GATAD2B: variants seen among roughly 807,000 people sequenced by gnomAD.
The protein encoded by GATAD2B is GATA zinc finger domain containing 2B, also known as transcriptional repressor p66-beta.
A neutral mutation model predicts 64.3 loss-of-function variants in GATAD2B; 8 were observed. The observed-to-expected ratio is 0.12, with a 90% CI of 0.07 to 0.22. GATAD2B has a LOEUF of 0.22. Ranked by LOEUF, GATAD2B falls within the 10% of genes least tolerant of loss-of-function variation. The pLI is 1.00. For synonymous variants in GATAD2B, 281 were observed against 271.3 expected, an observed-to-expected ratio of 1.04 and a Z score of -0.35; for missense variants, 453 against 752.0, an observed-to-expected ratio of 0.60 and a Z score of 4.65.
rs1557781527 is a variant in GATAD2B, at chr1:153,816,755, G to C, written c.901-167C>G. Among the ~76,000 whole-genome samples the C allele has an allele frequency of 6.6e-6, 1 of 152,186 alleles. No homozygotes were observed. Among genetic ancestry groups the C allele is most frequent in the Non-Finnish European group, 1.5e-5 (1 of 68,028 alleles). On this transcript the variant is annotated intron_variant, in intron 6 of 10. Transcript: ENST00000368655. This position sits in a 1 kb window ranked among gnomAD's most constrained non-coding sequence, Gnocchi z 4.9. ...AAAAAGAACTCTGACACATAGGAAA[G>C]GAGAATGATGATGACCATGAGCTAA...
intron 1 of GATAD2B, among the ~76,000 whole-genome samples, chr1:153,898,333 AAAAAAGAAAAACAAAAAC>A (rs1254677034): frequency 6.9e-6 from 1 of 145,018 alleles, no homozygotes; most frequent in East Asian, 1.9e-4. Flanking sequence ...AGAAAAAAAG[AAAAAAGAAAAACAAAAAC>A]AAAAAGAAAA....
At chr1:153,828,455 TACACACACACACAC>T (rs71093290) in intron 1 of GATAD2B, 107 bp from the exon 2 acceptor site, 56 of 584,288 alleles carry the variant, frequency 9.6e-5, no homozygotes, top group South Asian at 3.8e-4. Flanking sequence ...CTCTCACACA[TACACACACACACAC>T]ACACACACAC....
chr1:153,818,773 A>G lies in GATAD2B; in HGVS notation c.597+18T>C, dbSNP rs1181312328. The G allele has an allele frequency of 1.2e-6, 2 of 1,610,872 alleles. No homozygotes were observed. The highest frequency in any genetic ancestry group is 1.3e-5 in the African/African-American group (1 of 74,716). Reference sequence around the variant, plus strand: ...TTTCTTTCCTTTCCCTTAGTCCCTTATTTCTAGGGCACATTACCTTCTGGA... The same window carrying G: ...TTTCTTTCCTTTCCCTTAGTCCCTTGTTTCTAGGGCACATTACCTTCTGGA... On this transcript the variant is annotated intron_variant, in intron 4 of 10. Coordinates refer to ENST00000368655, the MANE Select transcript of GATAD2B (RefSeq NM_020699.4).
intron 1 of GATAD2B, among the ~76,000 whole-genome samples, chr1:153,907,237 G>A (rs563817125): frequency 2.0e-5 from 3 of 152,300 alleles, no homozygotes; most frequent in East Asian, 1.9e-4. Flanking sequence ...TGCAACAGCC[G>A]AAGGCGGAAA....
intron 1 of GATAD2B, among the ~76,000 whole-genome samples, chr1:153,893,664 G>C (rs1201266650): frequency 6.6e-6 from 1 of 151,388 alleles, no homozygotes; most frequent in Non-Finnish European, 1.5e-5. Flanking sequence ...TGAACTTTTA[G>C]AAAAGTTTAT....
intron 1 of GATAD2B, among the ~76,000 whole-genome samples, chr1:153,920,800 T>G (rs2101975408): frequency 6.6e-6 from 1 of 152,322 alleles, no homozygotes; most frequent in Non-Finnish European, 1.5e-5. Flanking sequence ...TGATTAGTAC[T>G]TTTCTACCTT....
intron 1 of GATAD2B, among the ~76,000 whole-genome samples, chr1:153,921,000 G>A (rs1380269163): frequency 6.6e-6 from 1 of 152,174 alleles, no homozygotes; most frequent in Non-Finnish European, 1.5e-5. Flanking sequence ...GATCCAACAA[G>A]TGTGGGCCTT....
At chr1:153,868,472 G>A (rs1052556336) in intron 1 of GATAD2B, among the ~76,000 whole-genome samples, 4 of 150,988 alleles carry the variant, frequency 2.6e-5, no homozygotes, top group African/African-American at 9.7e-5. Flanking sequence ...CGGGGTGGGG[G>A]TGGATGTGGT....
intron 1 of GATAD2B, among the ~76,000 whole-genome samples, chr1:153,864,286 A>G (rs1186791773): frequency 6.6e-6 from 1 of 152,218 alleles, no homozygotes; most frequent in Non-Finnish European, 1.5e-5. Flanking sequence ...AGAAGGATTA[A>G]CATCTGAATG....
chr1:153,921,354 T>A (rs1678423175), intron 1 of GATAD2B, among the ~76,000 whole-genome samples: 1 of 152,200 alleles, frequency 6.6e-6, no homozygotes, highest in Non-Finnish European at 1.5e-5. Flanking sequence ...TACAACCACA[T>A]GCATGCTTTT....
intron 1 of GATAD2B, among the ~76,000 whole-genome samples, chr1:153,884,193 C>G (rs574203392): frequency 6.6e-6 from 1 of 152,282 alleles, no homozygotes; most frequent in South Asian, 2.1e-4. Context: ...ATAATCCCAG[C>G]ACTTTGGGAG....
chr1:153,873,422 A>G (rs1335515501), intron 1 of GATAD2B, among the ~76,000 whole-genome samples: 1 of 152,222 alleles, frequency 6.6e-6, no homozygotes, highest in Non-Finnish European at 1.5e-5. Flanking sequence ...CGAGACCTTT[A>G]GGAAGTGCTT....
chr1:153,848,118 G>A (rs1675752844), intron 1 of GATAD2B, among the ~76,000 whole-genome samples: 1 of 152,048 alleles, frequency 6.6e-6, no homozygotes, highest in African/African-American at 2.4e-5. Flanking sequence ...ATACCAACTT[G>A]GTATAGTATT....
chr1:153,823,576 T>C (rs937875081), intron 2 of GATAD2B, among the ~76,000 whole-genome samples: 8 of 151,856 alleles, frequency 5.3e-5, no homozygotes, highest in Non-Finnish European at 1.2e-4. Flanking sequence ...GCTCAAATTC[T>C]TGCCCTCAAG....
At chr1:153,844,680 T>C (rs942795329) in intron 1 of GATAD2B, among the ~76,000 whole-genome samples, 1 of 142,452 alleles carries the variant, frequency 7.0e-6, no homozygotes, top group African/African-American at 2.6e-5. Context: ...CCAAACACCG[T>C]ATATTCTCAC....
rs902842672 is a variant in GATAD2B, at chr1:153,831,839, G to A, written c.-1-3491C>T. Among the ~76,000 whole-genome samples, 18 of 152,286 alleles carry A rather than the reference G, an allele frequency of 1.2e-4. 1 individual carries two copies. Among genetic ancestry groups the A allele is most frequent in the South Asian group, 4.1e-4 (2 of 4,828 alleles). On this transcript the variant is annotated intron_variant, in intron 1 of 10. Coordinates refer to ENST00000368655, the MANE Select transcript of GATAD2B (RefSeq NM_020699.4). ...AGTAGGAAAAGTCTGCCACTCAACT[G>A]ATTATACGCCTAGACGCAAAAAGTA...
At chr1:153,850,721 G>C (rs1675856918) in intron 1 of GATAD2B, among the ~76,000 whole-genome samples, 1 of 152,042 alleles carries the variant, frequency 6.6e-6, no homozygotes. Context: ...AGGAGTTTGA[G>C]ACCAGCCTGG....
intron 9 of GATAD2B, 63 bp from the exon 10 acceptor site, chr1:153,811,911 G>C: frequency 2.3e-6 from 3 of 1,290,676 alleles, no homozygotes. Flanking sequence ...CGGGGGCAAA[G>C]ATAAGGGAGT....
intron 1 of GATAD2B, among the ~76,000 whole-genome samples, chr1:153,840,967 T>C (rs899907816): frequency 3.3e-5 from 5 of 151,222 alleles, no homozygotes; most frequent in African/African-American, 7.3e-5. Context: ...CTACTAAAAA[T>C]AGAAAAAGTT....
Sources: allele counts gnomAD v4.1 joint callset (sites outside exome capture counted in the v4.1 genomes callset), GRCh38; gene constraint gnomAD v4.1.1; non-coding constraint Gnocchi (gnomAD v3.1); transcripts MANE v1.5; gene names NCBI Gene and HGNC (gene_info 2026-07-23, HGNC 2026-07-21).